Variants in CASD1 observed in about 807,000 individuals in gnomAD.
The protein encoded by CASD1 is N-acetylneuraminate (7)9-O-acetyltransferase.
CASD1 carries 41 observed loss-of-function variants against 100.0 expected under a neutral mutation model. The observed-to-expected ratio is 0.41, with a 90% CI of 0.32 to 0.53. The LOEUF (loss-of-function observed/expected upper bound fraction) is 0.53, where lower values mean the gene tolerates loss of function less well. CASD1 is among the 20% of genes least tolerant of loss of function. CASD1 has a pLI of 0.25. For synonymous variants in CASD1, 321 were observed against 315.6 expected (o/e 1.02, Z -0.18); for missense variants, 774 against 948.7 (o/e 0.82, Z 2.42).
the CASD1 span, chr7:94,585,663 G>C: frequency 3.1e-6 from 2 of 635,182 alleles, no homozygotes; most frequent in Non-Finnish European, 5.7e-6. Flanking sequence ...CTCTGTATTT[G>C]GTTTTTTTAA....
the CASD1 span, chr7:94,589,379 CCAT>C: frequency 6.4e-6 from 1 of 155,360 alleles, no homozygotes; most frequent in Non-Finnish European, 1.4e-5. Flanking sequence ...TTGGTTGAAG[CCAT>C]CATCATTTCT....
At chr7:94,570,064 C>A in the CASD1 span, among the ~76,000 whole-genome samples, 1 of 152,114 alleles carries the variant, frequency 6.6e-6, no homozygotes, top group Non-Finnish European at 1.5e-5. Flanking sequence ...CCGCCTGCCT[C>A]AGCCTCCCAA....
intron 14 of CASD1, among the ~76,000 whole-genome samples, chr7:94,550,586 G>A (rs2116410953): frequency 6.6e-6 from 1 of 152,166 alleles, no homozygotes; most frequent in East Asian, 1.9e-4. Flanking sequence ...CACACCAGCA[G>A]ATTTGGTCTG....
the CASD1 span, chr7:94,588,921 A>G: frequency 6.5e-6 from 4 of 618,266 alleles, no homozygotes; most frequent in African/African-American, 3.7e-5. Context: ...AAAATTAACA[A>G]TATTTGATAA....
At chr7:94,598,754 T>C in the CASD1 span, 5 of 1,513,390 alleles carry the variant, frequency 3.3e-6, no homozygotes, top group South Asian at 5.6e-5. Context: ...TTAATAATTA[T>C]GGCTCTAAGT....
chr7:94,549,654 T>A lies in CASD1; in HGVS notation c.1815+20T>A, dbSNP rs762518754. On this transcript the variant is annotated intron_variant, in intron 14 of 17. Coordinates refer to ENST00000297273, the MANE Select transcript of CASD1 (RefSeq NM_022900.5). The stretch of plus-strand genomic sequence containing the variant: ...CGTTATGTATGTATTTACTTTGTGA[T>A]ATTTTGTCATTTCAAATTATACTGT... The A allele has an allele frequency of 6.5e-7, 1 of 1,537,790 alleles. No individual in the cohort carries two copies. The highest frequency in any genetic ancestry group is 8.9e-7 in the Non-Finnish European group (1 of 1,125,404).
chr7:94,552,421 G>T lies in CASD1; in HGVS notation c.2028G>T (p.Val676=), dbSNP rs756661178. The change falls in exon 16 of 18, where the codon GTG becomes GTT. Residue 676 remains valine (V), a synonymous_variant. Transcript: ENST00000297273. The part of the protein sequence containing the change: ...ECNELHPSVS[V]VQILAFILIR... ...ATGAACTCCATCCGTCTGTTTCTGT[G>T]GTACAGGTACTATCTTGATTTAGAG... 3.9e-5 allele frequency: 62 copies of T among 1,601,768 alleles called. No homozygotes were observed. Among genetic ancestry groups the T allele is most frequent in the Non-Finnish European group, 5.3e-5 (62 of 1,175,584 alleles).
At chr7:94,546,570 A>G (rs1040793031) in intron 12 of CASD1, among the ~76,000 whole-genome samples, 4 of 151,900 alleles carry the variant, frequency 2.6e-5, no homozygotes, top group South Asian at 2.1e-4. Flanking sequence ...TAATTTCTCT[A>G]TACAAACCCA....
At chr7:94,593,762 T>C in the CASD1 span, among the ~76,000 whole-genome samples, 1 of 152,134 alleles carries the variant, frequency 6.6e-6, no homozygotes, top group Non-Finnish European at 1.5e-5. Flanking sequence ...CTGCTATTCT[T>C]TCAGTTTCAC....
chr7:94,568,696 T>C, the CASD1 span, among the ~76,000 whole-genome samples: 1 of 152,174 alleles, frequency 6.6e-6, no homozygotes, highest in African/African-American at 2.4e-5. Flanking sequence ...ACCAATGTGA[T>C]GGTATTTGGA....
chr7:94,626,418 C>T, the CASD1 span: 6 of 151,950 alleles, frequency 3.9e-5, no homozygotes, highest in South Asian at 4.1e-4. Flanking sequence ...CATGTAATCC[C>T]TAATCTACCT....
the CASD1 span, chr7:94,585,400 T>C: frequency 2.9e-6 from 3 of 1,051,838 alleles, no homozygotes; most frequent in Non-Finnish European, 4.5e-6. Context: ...GCATAACATA[T>C]GCCAGAAAAG....
the CASD1 span, among the ~76,000 whole-genome samples, chr7:94,576,131 A>G: frequency 6.6e-6 from 1 of 152,166 alleles, no homozygotes; most frequent in African/African-American, 2.4e-5. Context: ...TGATATGCTT[A>G]TGGAATAAGA....
At chr7:94,596,365 C>T in the CASD1 span, among the ~76,000 whole-genome samples, 2 of 152,082 alleles carry the variant, frequency 1.3e-5, no homozygotes, top group Non-Finnish European at 2.9e-5. Context: ...CCTTTTTCCG[C>T]TCTTAAATTT....
the CASD1 span, among the ~76,000 whole-genome samples, chr7:94,568,843 T>A: frequency 6.6e-6 from 1 of 152,136 alleles, no homozygotes; most frequent in Non-Finnish European, 1.5e-5. Context: ...TATCTAGGAA[T>A]CAGGAAATGG....
At chr7:94,584,374 C>A in the CASD1 span, among the ~76,000 whole-genome samples, 2 of 152,138 alleles carry the variant, frequency 1.3e-5, no homozygotes, top group African/African-American at 4.8e-5. Flanking sequence ...GCTGATTACT[C>A]CTGGAGAACA....
At chr7:94,592,383 G>C in the CASD1 span, among the ~76,000 whole-genome samples, 9 of 152,142 alleles carry the variant, frequency 5.9e-5, no homozygotes, top group Non-Finnish European at 1.2e-4. Flanking sequence ...CAGGAGCGGG[G>C]GGTCGACTTC....
At chr7:94,524,674 G>GA (rs1370633990) in intron 3 of CASD1, among the ~76,000 whole-genome samples, 1 of 152,120 alleles carries the variant, frequency 6.6e-6, no homozygotes, top group Non-Finnish European at 1.5e-5. Context: ...ACATATCCAA[G>GA]AAGATAACCA....
the CASD1 span, among the ~76,000 whole-genome samples, chr7:94,568,949 C>G: frequency 2.0e-5 from 3 of 152,078 alleles, no homozygotes; most frequent in African/African-American, 7.2e-5. Context: ...ATAAACTACC[C>G]AGTCTCTGGT....
Sources: allele counts gnomAD v4.1 joint callset (sites outside exome capture counted in the v4.1 genomes callset), GRCh38; gene constraint gnomAD v4.1.1; transcripts MANE v1.5; gene names NCBI Gene and HGNC (gene_info 2026-07-23, HGNC 2026-07-21).